Variants in NHSL1 observed in about 807,000 individuals in gnomAD.
NHSL1 encodes NHS like 1.
NHSL1 carries 48 observed loss-of-function variants against 95.0 expected under a neutral mutation model. That is an observed-to-expected ratio of 0.51 (90% confidence interval 0.40 to 0.64). The LOEUF is 0.64. NHSL1 is among the 30% of genes least tolerant of loss of function. NHSL1 has a pLI of 0.00. For missense variants in NHSL1, 1,971 were observed against 2,077.7 expected, an observed-to-expected ratio of 0.95 and a Z score of 1.00; for synonymous variants, 783 against 833.9, an observed-to-expected ratio of 0.94 and a Z score of 1.05.
chr6:138,574,989 T>C (rs1047950930), upstream of NHSL1, among the ~76,000 whole-genome samples: 1 of 152,310 alleles, frequency 6.6e-6, no homozygotes, highest in Non-Finnish European at 1.5e-5. Flanking sequence ...AACCTCTGCC[T>C]CTCGGGTTCA....
At position 138,432,554 on chromosome 6, in the gene NHSL1, C is replaced by T; in HGVS notation, c.1791G>A (p.Gly597=). 2.6e-6 allele frequency: 4 copies of T among 1,552,052 alleles called. No individual in the cohort carries two copies. Among genetic ancestry groups the T allele is most frequent in the African/African-American group, 1.4e-5 (1 of 73,140 alleles). Residue 597 remains glycine (G), a synonymous_variant, in exon 6 of 8, where the codon GGG becomes GGA. Coordinates refer to ENST00000343505, the MANE Select transcript of NHSL1 (RefSeq NM_001144060.2). The surrounding 1 kb of genome is among the most constrained non-coding windows in gnomAD (Gnocchi z 4.4). ...LDQTSNKEDA[G]SLYSEDHDGY... ...CATCGTGGTCCTCAGAATACAGCGA[C>T]CCAGCATCCTCTTTGTTGGACGTTT...
At chr6:138,518,477 T>TA (rs374365562) in intron 1 of NHSL1, among the ~76,000 whole-genome samples, 2 of 14,984 alleles carry the variant, frequency 1.3e-4, no homozygotes, top group African/African-American at 2.1e-4. Flanking sequence ...ACAGGAATGA[T>TA]TTTTTTTTTT....
At chr6:138,478,583 T>C (rs909305355) in intron 2 of NHSL1, among the ~76,000 whole-genome samples, 3 of 152,132 alleles carry the variant, frequency 2.0e-5, no homozygotes, top group Admixed American at 6.5e-5. Context: ...GAGCAAGCCA[T>C]CACGAATAAG....
chr6:138,643,435 T>C (rs2114689397), intron 1 of NHSL1, among the ~76,000 whole-genome samples: 1 of 152,284 alleles, frequency 6.6e-6, no homozygotes, highest in South Asian at 2.1e-4. Context: ...CTCTTGGTGT[T>C]GACATTTTAT....
At chr6:138,566,314 C>T (rs1783616125) in intron 1 of NHSL1, among the ~76,000 whole-genome samples, 1 of 152,044 alleles carries the variant, frequency 6.6e-6, no homozygotes, top group African/African-American at 2.4e-5. Context: ...AGGAGAATAA[C>T]TAGAACCCGG....
At chr6:138,541,977 GAA>G (rs1782598744) in intron 1 of NHSL1, among the ~76,000 whole-genome samples, 1 of 152,176 alleles carries the variant, frequency 6.6e-6, no homozygotes, top group Admixed American at 6.5e-5. Context: ...GAATTGGGTT[GAA>G]TAGCGTCCTC....
rs1022600437 is a variant in NHSL1 at position 138,532,971 on chromosome 6, G to T, written c.16+12652C>A. ...AACAGTTCACAGAAATAAAGGGGAA[G>T]GAATGAAGTCCTTACGGTAGCTAAG... On this transcript the variant is annotated intron_variant, in intron 1 of 4. Coordinates refer to the NHSL1 transcript ENST00000342260. 8.5e-5 allele frequency among the ~76,000 whole-genome samples: 13 copies of T among 152,252 alleles called. No homozygotes were observed. The East Asian group carries it at 2.5e-3, about 29-fold the overall frequency.
At chr6:138,468,873 G>A (rs1037610051) in intron 3 of NHSL1, among the ~76,000 whole-genome samples, 5 of 152,156 alleles carry the variant, frequency 3.3e-5, no homozygotes, top group African/African-American at 7.2e-5. Flanking sequence ...GTGCCTCCCC[G>A]TGAAATCAAA....
Position 138,496,311 on chromosome 6 carries a change from T to C in NHSL1, c.119A>G (p.Gln40Arg). The part of the protein sequence containing the change: ...WTVHYTAPWH[Q>R]QENVFLPTTR... Reference sequence around the variant, plus strand: ...GGTGGGAAGGAACACATTCTCCTGCTGGTGCCACGGGGCAGTGTAGTGGAC... The same window carrying C: ...GGTGGGAAGGAACACATTCTCCTGCCGGTGCCACGGGGCAGTGTAGTGGAC... The change falls in exon 2 of 8, where the codon CAG becomes CGG. Residue 40 changes from glutamine to arginine, a missense_variant. Coordinates refer to ENST00000343505, the MANE Select transcript of NHSL1 (RefSeq NM_001144060.2). The C allele has an allele frequency of 1.3e-6, 2 of 1,550,844 alleles. No individual in the cohort carries two copies. Among genetic ancestry groups the C allele is most frequent in the Non-Finnish European group, 1.7e-6 (2 of 1,146,920 alleles).
chr6:138,681,200 A>T (rs1785507394), intron 1 of NHSL1, among the ~76,000 whole-genome samples: 1 of 152,222 alleles, frequency 6.6e-6, no homozygotes. Context: ...AATTGTGTGT[A>T]TAAAAAAGAG....
chr6:138,523,651 A>C (rs1249169047), intron 1 of NHSL1, among the ~76,000 whole-genome samples: 1 of 151,502 alleles, frequency 6.6e-6, no homozygotes, highest in Non-Finnish European at 1.5e-5. Flanking sequence ...AAAAAAAAAA[A>C]ACAGAGCTAA....
chr6:138,646,759 A>G (rs1307799964), intron 1 of NHSL1, among the ~76,000 whole-genome samples: 1 of 152,224 alleles, frequency 6.6e-6, no homozygotes, highest in Non-Finnish European at 1.5e-5. Flanking sequence ...TTCTGGGTTT[A>G]CAGTCATGAG....
At chr6:138,427,820 C>T (rs926533085) in intron 7 of NHSL1, among the ~76,000 whole-genome samples, 4 of 152,024 alleles carry the variant, frequency 2.6e-5, no homozygotes, top group African/African-American at 9.7e-5. Flanking sequence ...AAAATAAAGC[C>T]CTAAAAAAGC....
intron 1 of NHSL1, chr6:138,571,618 G>T: frequency 1.7e-6 from 2 of 1,210,960 alleles, no homozygotes; most frequent in South Asian, 2.9e-5. Context: ...ACTCCTAATG[G>T]GGGCAAAAAT....
rs113769549 is a variant in NHSL1 at position 138,648,455 on chromosome 6, G to A, written c.96+44021C>T. ...CTCACCTCCCCAGCCATCATATAAG[G>A]CTGCATTTAGCTGACCGAGACCAGG... On this transcript the variant is annotated intron_variant, in intron 1 of 3. Transcript: ENST00000491526. Among the ~76,000 whole-genome samples, 648 of 152,094 alleles carry A rather than the reference G, an allele frequency of 4.3e-3. 14 individuals carry two copies. Among genetic ancestry groups the A allele is most frequent in the African/African-American group, 0.015 (615 of 41,484 alleles).
At chr6:138,650,241 C>G (rs1448272356) in intron 1 of NHSL1, 1 of 636,422 alleles carries the variant, frequency 1.6e-6, no homozygotes, top group African/African-American at 1.8e-5. Flanking sequence ...GAAAGATGAT[C>G]CTGATGACAC....
At chr6:138,690,452 A>G (rs1408930881) in intron 1 of NHSL1, among the ~76,000 whole-genome samples, 1 of 152,172 alleles carries the variant, frequency 6.6e-6, no homozygotes, top group Non-Finnish European at 1.5e-5. Context: ...TAAAAAAAAA[A>G]AAATGGGGCC....
rs145114212 is a variant in NHSL1, at chr6:138,466,134, G to A, written c.339+7172C>T. Reference sequence around the variant, plus strand: ...AGCTCACTGCAAGCTCCGCCTCCCGGGTTCACGCCATCCTCCTGCCTCAGT... The same window carrying A: ...AGCTCACTGCAAGCTCCGCCTCCCGAGTTCACGCCATCCTCCTGCCTCAGT... On this transcript the variant is annotated intron_variant, in intron 3 of 7. Transcript: ENST00000343505. Among the ~76,000 whole-genome samples the A allele has an allele frequency of 4.9e-3, 742 of 150,814 alleles. 9 individuals carry two copies. Among genetic ancestry groups the A allele is most frequent in the Admixed American group, 0.029 (434 of 14,992 alleles).
At chr6:138,455,992 A>T (rs1777587379) in intron 3 of NHSL1, among the ~76,000 whole-genome samples, 1 of 152,214 alleles carries the variant, frequency 6.6e-6, no homozygotes, top group Non-Finnish European at 1.5e-5. Flanking sequence ...GCTTAACAAT[A>T]CTTATCATCA....
Sources: gnomAD v4.1 joint callset for allele counts (sites outside exome capture counted in the v4.1 genomes callset) on GRCh38, gnomAD v4.1.1 for gene constraint, Gnocchi (gnomAD v3.1) non-coding constraint, MANE v1.5 for transcripts, NCBI Gene and HGNC (gene_info 2026-07-23, HGNC 2026-07-21) for gene names.